EVI5: variants seen among roughly 807,000 people sequenced by gnomAD.
EVI5 encodes ecotropic viral integration site 5.
Under a neutral mutation model 112.0 loss-of-function variants are expected in EVI5, and 73 were observed. The observed-to-expected ratio is 0.65, with a 90% CI of 0.54 to 0.79. The LOEUF is 0.79. EVI5 is among the 30% of genes least tolerant of loss of function. The pLI, the probability that EVI5 is intolerant of heterozygous loss-of-function variation, is 0.00. For synonymous variants in EVI5, 305 were observed against 319.9 expected (o/e 0.95, Z 0.50); for missense variants, 900 against 968.8 (o/e 0.93, Z 0.94).
At chr1:92,586,441 T>C (rs1382729483) in intron 18 of EVI5, among the ~76,000 whole-genome samples, 1 of 152,176 alleles carries the variant, frequency 6.6e-6, no homozygotes, top group Non-Finnish European at 1.5e-5. Flanking sequence ...TGGGTTATAA[T>C]CTACTTTGGG....
intron 19 of EVI5, among the ~76,000 whole-genome samples, chr1:92,548,860 T>C (rs1041403818): frequency 2.0e-5 from 3 of 152,098 alleles, no homozygotes; most frequent in Non-Finnish European, 4.4e-5. Flanking sequence ...CACAAACAAA[T>C]GGAAGAACAT....
At chr1:92,691,461 T>C (rs1377597265) in intron 9 of EVI5, among the ~76,000 whole-genome samples, 2 of 152,224 alleles carry the variant, frequency 1.3e-5, no homozygotes, top group African/African-American at 2.4e-5. Flanking sequence ...ATTTTTGTTA[T>C]GTCTGAAAAT....
chr1:92,535,466 T>G (rs996432133), intron 19 of EVI5, among the ~76,000 whole-genome samples: 10 of 152,200 alleles, frequency 6.6e-5, no homozygotes, highest in African/African-American at 2.4e-4. Context: ...CACACATGTT[T>G]ACTGCGGCAC....
At chr1:92,535,393 C>T (rs1013601273) in intron 19 of EVI5, among the ~76,000 whole-genome samples, 16 of 152,150 alleles carry the variant, frequency 1.1e-4, no homozygotes, top group Non-Finnish European at 1.6e-4. Flanking sequence ...TTTGACCCAG[C>T]AATCCCCTTA....
intron 13 of EVI5, among the ~76,000 whole-genome samples, chr1:92,639,669 T>A (rs1156459584): frequency 6.6e-6 from 1 of 152,100 alleles, no homozygotes; most frequent in Non-Finnish European, 1.5e-5. Context: ...ATCACAACTC[T>A]AAATAAAAAA....
chr1:92,611,574 C>T (rs1205307375), intron 16 of EVI5, among the ~76,000 whole-genome samples: 3 of 149,396 alleles, frequency 2.0e-5, no homozygotes, highest in South Asian at 2.1e-4. Flanking sequence ...TGATGGCGGG[C>T]GCCTGTACTC....
At chr1:92,637,825 C>T (rs1023203091) in intron 13 of EVI5, among the ~76,000 whole-genome samples, 1 of 94,524 alleles carries the variant, frequency 1.1e-5, no homozygotes, top group Non-Finnish European at 2.4e-5. Context: ...CTCTCCTGCC[C>T]CAGTTACCAA....
chr1:92,534,281 G>T (rs1271947118), intron 19 of EVI5, among the ~76,000 whole-genome samples: 2 of 152,058 alleles, frequency 1.3e-5, no homozygotes, highest in Non-Finnish European at 2.9e-5. Context: ...AAATAAGAGA[G>T]GACACAAACA....
chr1:92,722,265 C>T (rs1161831176), intron 2 of EVI5, among the ~76,000 whole-genome samples: 1 of 151,858 alleles, frequency 6.6e-6, no homozygotes, highest in Non-Finnish European at 1.5e-5. Flanking sequence ...TGAACTTATT[C>T]CTCTTATCTA....
chr1:92,778,611 G>T (rs1684461881), intron 1 of EVI5, among the ~76,000 whole-genome samples: 1 of 152,036 alleles, frequency 6.6e-6, no homozygotes, highest in African/African-American at 2.4e-5. Context: ...ATATGACTGG[G>T]ACAAAAGGAA....
intron 1 of EVI5, chr1:92,756,112 C>G (rs974586048): frequency 1.0e-5 from 3 of 301,142 alleles, no homozygotes; most frequent in Non-Finnish European, 2.1e-5. Context: ...AGATAGTGTG[C>G]CTAAGCTGGA....
At chr1:92,651,948 A>G (rs1055949090) in intron 13 of EVI5, among the ~76,000 whole-genome samples, 5 of 152,210 alleles carry the variant, frequency 3.3e-5, no homozygotes, top group Admixed American at 3.3e-4. Context: ...CACAACCTCA[A>G]AAAATTAAAC....
At chr1:92,542,427 C>A (rs1444415071) in intron 19 of EVI5, among the ~76,000 whole-genome samples, 1 of 152,218 alleles carries the variant, frequency 6.6e-6, no homozygotes, top group African/African-American at 2.4e-5. Context: ...CCACTGAAGT[C>A]TTCAATCCCT....
chr1:92,742,237 T>A (rs1235776893), intron 1 of EVI5, among the ~76,000 whole-genome samples: 1 of 152,084 alleles, frequency 6.6e-6, no homozygotes, highest in Non-Finnish European at 1.5e-5. Context: ...ATTACTAATT[T>A]TTTTAAGAGA....
chr1:92,536,413 A>C (rs1352531780), intron 19 of EVI5, among the ~76,000 whole-genome samples: 1 of 152,202 alleles, frequency 6.6e-6, no homozygotes, highest in Non-Finnish European at 1.5e-5. Context: ...TTTTGACAGG[A>C]AACAGCAGAG....
intron 16 of EVI5, among the ~76,000 whole-genome samples, chr1:92,620,908 T>C (rs1654413156): frequency 6.6e-6 from 1 of 152,132 alleles, no homozygotes; most frequent in Admixed American, 6.5e-5. Context: ...ATTTGGACAA[T>C]ATGTAAAATG....
intron 13 of EVI5, among the ~76,000 whole-genome samples, chr1:92,655,915 C>T (rs1352921402): frequency 1.3e-5 from 2 of 151,878 alleles, no homozygotes; most frequent in African/African-American, 4.8e-5. Flanking sequence ...GAAAAGAAAA[C>T]CAAAGAAAAA....
intron 19 of EVI5, among the ~76,000 whole-genome samples, chr1:92,524,110 G>GA (rs1029393625): frequency 1.8e-3 from 65 of 35,194 alleles, no homozygotes; most frequent in East Asian, 7.3e-3. Flanking sequence ...AAAAATAAAA[G>GA]AAAAAAAAAA....
chr1:92,592,229 C>G (rs563303123), intron 18 of EVI5, among the ~76,000 whole-genome samples: 19 of 152,002 alleles, frequency 1.2e-4, no homozygotes, highest in African/African-American at 4.1e-4. Context: ...GGTGACAGAG[C>G]GAGACTCCGT....
Sources: gnomAD v4.1 joint callset for allele counts (sites outside exome capture counted in the v4.1 genomes callset) on GRCh38, gnomAD v4.1.1 for gene constraint, MANE v1.5 for transcripts, NCBI Gene and HGNC (gene_info 2026-07-23, HGNC 2026-07-21) for gene names.